ICA1: variants seen among roughly 807,000 people sequenced by gnomAD.
The protein encoded by ICA1 is islet cell autoantigen 1.
In ICA1, 40 loss-of-function variants were observed where a neutral mutation model predicts 71.0. The observed-to-expected ratio is 0.56, with a 90% CI of 0.44 to 0.73. ICA1 has a LOEUF of 0.73. ICA1 is among the 30% of genes least tolerant of loss of function. The probability of loss-of-function intolerance (pLI) is 0.00; values close to 1 mark genes in which losing one functional copy is unlikely to be tolerated. For missense variants in ICA1, 578 were observed against 576.5 expected (o/e 1.00, Z -0.03); for synonymous variants, 207 against 209.5 (o/e 0.99, Z 0.10).
intron 6 of ICA1, among the ~76,000 whole-genome samples, chr7:8,212,702 G>A (rs1794202363): frequency 1.3e-5 from 2 of 152,190 alleles, no homozygotes; most frequent in African/African-American, 4.8e-5. Flanking sequence ...AGCAAGGGCG[G>A]GGACGGAGTG....
At position 8,255,606 on chromosome 7, in the gene ICA1, C is replaced by T. The variant is rs186328403; in HGVS notation, c.-80+6488G>A. Among the ~76,000 whole-genome samples the T allele has an allele frequency of 3.6e-3, 554 of 152,270 alleles. 2 individuals are homozygous for T. The highest frequency in any genetic ancestry group is 7.0e-3 in the Non-Finnish European group (475 of 68,022). The stretch of plus-strand genomic sequence containing the variant: ...CAGGGCACCAGATCCACATTTCCAC[C>T]TCCAGATGGTAATCTTCACCTGGAT... On this transcript the variant is annotated intron_variant, in intron 1 of 13. Transcript: ENST00000402384.
chr7:8,255,568 T>C (rs1356591119), intron 1 of ICA1, among the ~76,000 whole-genome samples: 1 of 152,128 alleles, frequency 6.6e-6, no homozygotes, highest in African/African-American at 2.4e-5. Flanking sequence ...ACTTCCAAAA[T>C]CACACACCTC....
intron 6 of ICA1, among the ~76,000 whole-genome samples, chr7:8,187,016 T>C (rs1362630995): frequency 1.3e-5 from 2 of 152,238 alleles, no homozygotes; most frequent in African/African-American, 4.8e-5. Flanking sequence ...TTCTAAGAAC[T>C]TGACAAATAT....
At chr7:8,155,062 A>G (rs938182978) in intron 8 of ICA1, among the ~76,000 whole-genome samples, 1 of 152,216 alleles carries the variant, frequency 6.6e-6, no homozygotes, top group Admixed American at 6.5e-5. Flanking sequence ...ATATGTCATC[A>G]TTGAAAGCCT....
intron 6 of ICA1, among the ~76,000 whole-genome samples, chr7:8,169,200 T>C (rs1232381156): frequency 6.6e-6 from 1 of 152,152 alleles, no homozygotes; most frequent in African/African-American, 2.4e-5. Context: ...TAGTAGTGTG[T>C]TCTTTTTTAT....
intron 6 of ICA1, among the ~76,000 whole-genome samples, chr7:8,215,326 CT>C (rs1438277457): frequency 6.6e-6 from 1 of 152,192 alleles, no homozygotes; most frequent in Admixed American, 6.5e-5. Context: ...GCCAGGAATG[CT>C]GCTCTGTTGC....
At chr7:8,202,175 A>G (rs531808129) in intron 6 of ICA1, among the ~76,000 whole-genome samples, 11 of 152,376 alleles carry the variant, frequency 7.2e-5, no homozygotes, top group African/African-American at 2.6e-4. Context: ...TGACAAGTGT[A>G]GAAGACCCCA....
At chr7:8,118,201 C>G (rs949409588) in intron 13 of ICA1, among the ~76,000 whole-genome samples, 1 of 152,170 alleles carries the variant, frequency 6.6e-6, no homozygotes, top group Admixed American at 6.5e-5. Flanking sequence ...ACAAACCTCA[C>G]GAACTTATTT....
Position 8,113,828 on chromosome 7 carries a change from T to G in ICA1, c.*95A>C. 7.6e-7 allele frequency: 1 copy of G among 1,317,482 alleles called. No individual in the cohort carries two copies. 81.6% of individuals were successfully genotyped at this position (1,317,482 alleles called of 1,614,324 possible). ...TTCATTTTATTAAAATGGCACATAA[T>G]TATTAAAACAGCATACTGATCACTT... On this transcript the variant is annotated 3_prime_UTR_variant, in exon 14 of 14. Transcript: ENST00000402384. The surrounding 1 kb of genome is among the most constrained non-coding windows in gnomAD (Gnocchi z 4.2).
chr7:8,230,838 T>C (rs1226114659), intron 3 of ICA1, among the ~76,000 whole-genome samples: 1 of 152,186 alleles, frequency 6.6e-6, no homozygotes, highest in Admixed American at 6.5e-5. Flanking sequence ...AAATTTCCAA[T>C]TGCAGAAGGA....
chr7:8,192,386 T>C (rs1785985594), intron 6 of ICA1, among the ~76,000 whole-genome samples: 1 of 152,230 alleles, frequency 6.6e-6, no homozygotes, highest in African/African-American at 2.4e-5. Context: ...TATACACCTC[T>C]AACAGTATAA....
At chr7:8,251,254 G>A (rs1583851483) in intron 1 of ICA1, among the ~76,000 whole-genome samples, 1 of 151,806 alleles carries the variant, frequency 6.6e-6, no homozygotes, top group Non-Finnish European at 1.5e-5. Context: ...CAATGATTAA[G>A]TTATATACAA....
chr7:8,208,398 T>A (rs1186764265), intron 6 of ICA1, among the ~76,000 whole-genome samples: 1 of 118,472 alleles, frequency 8.4e-6, no homozygotes, highest in Non-Finnish European at 1.9e-5. Context: ...TGTAAGTAAA[T>A]CACCATATTT....
At chr7:8,203,676 G>C (rs2128340553) in intron 6 of ICA1, among the ~76,000 whole-genome samples, 1 of 152,340 alleles carries the variant, frequency 6.6e-6, no homozygotes, top group Non-Finnish European at 1.5e-5. Flanking sequence ...CTAATTCAGA[G>C]TGAGTTGAGA....
intron 8 of ICA1, among the ~76,000 whole-genome samples, chr7:8,156,170 G>A (rs747607486): frequency 2.0e-5 from 3 of 152,104 alleles, no homozygotes; most frequent in African/African-American, 7.2e-5. Flanking sequence ...AAGGGCCAGG[G>A]TCTTAAAGCA....
chr7:8,134,335 G>A (rs955085632), intron 12 of ICA1, among the ~76,000 whole-genome samples: 2 of 152,208 alleles, frequency 1.3e-5, no homozygotes, highest in African/African-American at 2.4e-5. Context: ...TAGACACGGT[G>A]TGGGAAATTG....
At chr7:8,119,177 C>T (rs1392090276) in intron 13 of ICA1, among the ~76,000 whole-genome samples, 3 of 152,204 alleles carry the variant, frequency 2.0e-5, no homozygotes, top group Non-Finnish European at 2.9e-5. Context: ...GCTTTATGCT[C>T]TTCGATCCTA....
intron 9 of ICA1, among the ~76,000 whole-genome samples, chr7:8,143,600 T>C (rs1795932905): frequency 6.6e-6 from 1 of 152,204 alleles, no homozygotes; most frequent in Non-Finnish European, 1.5e-5. Context: ...AGCCAGGGAA[T>C]GCTGGGGACA....
intron 6 of ICA1, among the ~76,000 whole-genome samples, chr7:8,208,129 T>C (rs1046821173): frequency 2.0e-5 from 3 of 152,242 alleles, no homozygotes; most frequent in African/African-American, 7.2e-5. Flanking sequence ...AATTGTGATT[T>C]AGATCTTTCT....
Sources: gnomAD v4.1 joint callset for allele counts (sites outside exome capture counted in the v4.1 genomes callset) on GRCh38, gnomAD v4.1.1 for gene constraint, Gnocchi (gnomAD v3.1) non-coding constraint, MANE v1.5 for transcripts, NCBI Gene and HGNC (gene_info 2026-07-23, HGNC 2026-07-21) for gene names.